Variants in RORA observed in about 807,000 individuals in gnomAD.
The protein encoded by RORA is RAR related orphan receptor A.
A neutral mutation model predicts 69.5 loss-of-function variants in RORA; 7 were observed. The ratio of observed to expected loss-of-function variants is 0.10; its 90% CI spans 0.06 to 0.19. RORA has a LOEUF of 0.19. Ranked by LOEUF, RORA falls within the 10% of genes least tolerant of loss-of-function variation. The pLI is 1.00. For missense variants in RORA, 457 were observed against 663.0 expected (o/e 0.69, Z 3.41); for synonymous variants, 261 against 240.8 (o/e 1.08, Z -0.78).
At chr15:60,611,426 T>A (rs1252816922) in intron 2 of RORA, among the ~76,000 whole-genome samples, 2 of 151,902 alleles carry the variant, frequency 1.3e-5, no homozygotes, top group Non-Finnish European at 2.9e-5. Context: ...CTCAAAGTCT[T>A]CTGTGTTTAT....
At chr15:60,702,740 T>A (rs1302215150) in intron 1 of RORA, among the ~76,000 whole-genome samples, 1 of 152,202 alleles carries the variant, frequency 6.6e-6, no homozygotes, top group East Asian at 1.9e-4. Context: ...AAAACGGTAG[T>A]TCCTTAAGAT....
chr15:61,182,400 A>G (rs899410252), intron 1 of RORA, among the ~76,000 whole-genome samples: 6 of 152,224 alleles, frequency 3.9e-5, no homozygotes, highest in Non-Finnish European at 8.8e-5. Flanking sequence ...GCGTTTGGAA[A>G]AATTGCTAGC....
intron 1 of RORA, among the ~76,000 whole-genome samples, chr15:61,034,408 T>G (rs1896344529): frequency 6.6e-6 from 1 of 152,212 alleles, no homozygotes; most frequent in Non-Finnish European, 1.5e-5. Context: ...GGATCTTAGT[T>G]GAAAGCTGTT....
At chr15:60,676,894 A>G (rs11632628) in intron 2 of RORA, among the ~76,000 whole-genome samples, 17,478 of 152,272 alleles carry the variant, frequency 0.11, 1,177 homozygotes, top group East Asian at 0.18. Context: ...GACTGTCTGT[A>G]TACTAGGTAA....
chr15:60,840,525 G>A (rs754093763), intron 1 of RORA, among the ~76,000 whole-genome samples: 1 of 152,228 alleles, frequency 6.6e-6, no homozygotes, highest in Non-Finnish European at 1.5e-5. Context: ...GCAGAGGCTT[G>A]GCTCTGGGAA....
chr15:60,653,648 C>T (rs188699798), intron 2 of RORA, among the ~76,000 whole-genome samples: 1 of 152,252 alleles, frequency 6.6e-6, no homozygotes, highest in East Asian at 1.9e-4. Flanking sequence ...AGCCACATTA[C>T]TTGTAGGTGG....
In RORA at chr15:61,174,966, T is replaced by C. The variant is rs2079615185; in HGVS notation, c.166+54087A>G. Among the ~76,000 whole-genome samples, 3 of 152,298 alleles carry C rather than the reference T, an allele frequency of 2.0e-5. 1 individual carries two copies. Among genetic ancestry groups the C allele is most frequent in the Admixed American group, 2.0e-4 (3 of 15,306 alleles). ...AGTGAATTTGGGGTTTGAACCCAAA[T>C]CTGCTTGACTGCAAAGCCCATGTTC... On this transcript the variant is annotated intron_variant, in intron 1 of 10. Coordinates refer to ENST00000335670, the MANE Select transcript of RORA (RefSeq NM_134261.3).
At chr15:60,878,093 G>A (rs1339280841) in intron 1 of RORA, among the ~76,000 whole-genome samples, 1 of 150,586 alleles carries the variant, frequency 6.6e-6, no homozygotes, top group Non-Finnish European at 1.5e-5. Context: ...TTGGGAAGCC[G>A]AGGTGGGCGG....
intron 1 of RORA, among the ~76,000 whole-genome samples, chr15:61,108,018 G>T (rs775466764): frequency 2.0e-5 from 3 of 152,140 alleles, no homozygotes; most frequent in Non-Finnish European, 2.9e-5. Flanking sequence ...TCTAGAGAAA[G>T]AAAATCCTGT....
At chr15:60,555,655 A>C (rs1417934145) in intron 2 of RORA, among the ~76,000 whole-genome samples, 1 of 152,106 alleles carries the variant, frequency 6.6e-6, no homozygotes, top group Non-Finnish European at 1.5e-5. Context: ...GGGCCAATAA[A>C]GTACCCTAAG....
chr15:60,930,584 C>T (rs1042982978), intron 1 of RORA, among the ~76,000 whole-genome samples: 1 of 152,138 alleles, frequency 6.6e-6, no homozygotes, highest in Non-Finnish European at 1.5e-5. Flanking sequence ...CACTTCCGGA[C>T]ACCAGCCATT....
chr15:61,132,147 T>C (rs1038345019), intron 1 of RORA, among the ~76,000 whole-genome samples: 1 of 152,266 alleles, frequency 6.6e-6, no homozygotes, highest in African/African-American at 2.4e-5. Context: ...AGAAATTCAT[T>C]GAAATGCATG....
chr15:60,781,845 A>G (rs986662794), intron 1 of RORA, among the ~76,000 whole-genome samples: 6 of 152,116 alleles, frequency 3.9e-5, no homozygotes, highest in African/African-American at 1.4e-4. Context: ...CAAATCCCAG[A>G]TTTTGGAGTC....
chr15:61,020,719 T>A (rs1160064754), intron 1 of RORA, among the ~76,000 whole-genome samples: 1 of 152,174 alleles, frequency 6.6e-6, no homozygotes, highest in Non-Finnish European at 1.5e-5. Flanking sequence ...TAATCCATCA[T>A]TGAACTTGAA....
At chr15:61,163,365 CT>C (rs1006816500) in intron 1 of RORA, among the ~76,000 whole-genome samples, 16 of 152,142 alleles carry the variant, frequency 1.1e-4, no homozygotes, top group African/African-American at 3.6e-4. Context: ...GACGGGGCAC[CT>C]AGCAATATCT....
At chr15:61,025,879 C>A (rs1895784774) in intron 1 of RORA, among the ~76,000 whole-genome samples, 1 of 152,174 alleles carries the variant, frequency 6.6e-6, no homozygotes, top group Admixed American at 6.5e-5. Context: ...TCAGGGCCTA[C>A]AATAATGTTC....
chr15:61,022,519 A>T (rs1168132809), intron 1 of RORA, among the ~76,000 whole-genome samples: 1 of 152,168 alleles, frequency 6.6e-6, no homozygotes, highest in Admixed American at 6.5e-5. Context: ...TTTTCATGCC[A>T]GTATTTTCAA....
chr15:61,052,165 C>T lies in RORA; in HGVS notation c.166+176888G>A, dbSNP rs59083824. Reference sequence around the variant, plus strand: ...GTGTTATGTGGGTGCAGCTTATGCACACAGAGAATGATCAGTGTTTTCATT... The same window carrying T: ...GTGTTATGTGGGTGCAGCTTATGCATACAGAGAATGATCAGTGTTTTCATT... On this transcript the variant is annotated intron_variant, in intron 1 of 10. Transcript: ENST00000335670. Among the ~76,000 whole-genome samples the T allele has an allele frequency of 9.8e-5, 15 of 152,356 alleles. No homozygotes were observed. The East Asian group carries it at 2.9e-3, about 29-fold the overall frequency.
At chr15:60,539,367 A>G (rs894297852) in intron 2 of RORA, among the ~76,000 whole-genome samples, 2 of 152,244 alleles carry the variant, frequency 1.3e-5, no homozygotes, top group African/African-American at 4.8e-5. Context: ...TCCCTGATGC[A>G]TATGTATCTC....
Sources: gnomAD v4.1 joint callset for allele counts (sites outside exome capture counted in the v4.1 genomes callset) on GRCh38, gnomAD v4.1.1 for gene constraint, MANE v1.5 for transcripts, NCBI Gene and HGNC (gene_info 2026-07-23, HGNC 2026-07-21) for gene names.